The following PRKCZ variants were observed in gnomAD, a reference collection of about 807,000 sequenced individuals.
PRKCZ encodes the protein protein kinase C zeta type.
In PRKCZ, 33 loss-of-function variants were observed where a neutral mutation model predicts 79.5. The observed-to-expected ratio is 0.41, with a 90% CI of 0.31 to 0.55. The LOEUF is 0.55. Ranked by LOEUF, PRKCZ falls within the 20% of genes least tolerant of loss-of-function variation. The pLI is 0.19. For synonymous variants in PRKCZ, 342 were observed against 320.9 expected (o/e 1.07, Z -0.70); for missense variants, 578 against 813.5 (o/e 0.71, Z 3.52).
intron 4 of PRKCZ, among the ~76,000 whole-genome samples, chr1:2,121,527 G>GTGGTAGTTAGGGTTATGGTAGTTAAGGT (rs1297446882): frequency 7.8e-6 from 1 of 128,482 alleles, no homozygotes; most frequent in African/African-American, 2.6e-5. Flanking sequence ...TAAGGTCATG[G>GTGGTAGTTAGGGTTATGGTAGTTAAGGT]CAGTAGTTAG....
chr1:2,184,073 T>G (rs1283725966), intron 16 of PRKCZ: 1 of 153,790 alleles, frequency 6.5e-6, no homozygotes, highest in Non-Finnish European at 1.4e-5. Flanking sequence ...CAGGCCCGCC[T>G]GCTGGGCATT....
At chr1:2,166,810 C>T (rs1485896494) in intron 10 of PRKCZ, among the ~76,000 whole-genome samples, 7 of 152,232 alleles carry the variant, frequency 4.6e-5, no homozygotes, top group African/African-American at 9.6e-5. Context: ...TGAGGGGCTA[C>T]GGGTGAAGCC....
rs987535323 is a variant in PRKCZ, at chr1:2,073,774, T to C, written c.334+14183T>C. 1.3e-5 allele frequency: 13 copies of C among 1,015,026 alleles called. No individual in the cohort carries two copies. In the Admixed American group the frequency reaches 2.1e-4, roughly 16 times the overall value. 62.9% of individuals were successfully genotyped at this position (1,015,026 alleles called of 1,614,324 possible). A position where few individuals can be genotyped will look rare whatever the true frequency, so the allele number is the denominator to read the frequency against. ...AGGACAGCCGGCCTTCCGTTAAATA[T>C]CTGCTCCTCGCGCTCGAGCCTCCCT... On this transcript the variant is annotated intron_variant, in intron 4 of 17. Coordinates refer to ENST00000378567, the MANE Select transcript of PRKCZ (RefSeq NM_002744.6).
rs1317123556 is a variant in PRKCZ, at chr1:2,185,207, C to A, written c.*198C>A. ...TCACACCTGGGCCCGGGCAGGCCAG[C>A]TTCGTGCTGGAGGAACTTGCTGCTG... On this transcript the variant is annotated 3_prime_UTR_variant, in exon 18 of 18. Transcript: ENST00000378567. 4.2e-6 allele frequency: 3 copies of A among 707,108 alleles called. No homozygotes were observed. Among genetic ancestry groups the A allele is most frequent in the Admixed American group, 2.0e-5 (1 of 49,610 alleles). The allele number at this position is 707,108 out of a possible 1,614,324, so 43.8% of individuals were successfully genotyped here. A position where few individuals can be genotyped will look rare whatever the true frequency, so the allele number is the denominator to read the frequency against.
Position 2,177,079 on chromosome 1 carries a change from G to T in PRKCZ, c.1575+1766G>T, listed in dbSNP as rs1288926579. On this transcript the variant is annotated intron_variant, in intron 16 of 17. Coordinates refer to ENST00000378567, the MANE Select transcript of PRKCZ (RefSeq NM_002744.6). The surrounding 1 kb of genome is among the most constrained non-coding windows in gnomAD (Gnocchi z 6.4). ...TCAGTCATCCTCACGCCCAGGCCGG[G>T]GTTAGAGGTGGCGTCCCTTTTCTCT... Among the ~76,000 whole-genome samples the T allele has an allele frequency of 6.6e-6, 1 of 152,208 alleles. No individual in the cohort carries two copies. Among genetic ancestry groups the T allele is most frequent in the Non-Finnish European group, 1.5e-5 (1 of 68,026 alleles).
chr1:2,143,199 T>C (rs1677762082), intron 5 of PRKCZ: 1 of 152,074 alleles, frequency 6.6e-6, no homozygotes, highest in Admixed American at 6.6e-5. Flanking sequence ...TGGCTAATTT[T>C]TTGTATTTTG....
At chr1:2,184,847 G>A in intron 17 of PRKCZ, 75 bp from the exon 18 acceptor site, 1 of 1,442,294 alleles carries the variant, frequency 6.9e-7, no homozygotes. Flanking sequence ...GGATTCTTAT[G>A]CGAACGTGAC....
At chr1:2,081,361 G>A (rs1663476822) in intron 4 of PRKCZ, among the ~76,000 whole-genome samples, 1 of 152,198 alleles carries the variant, frequency 6.6e-6, no homozygotes, top group African/African-American at 2.4e-5. Context: ...GGTGGGTTGG[G>A]GGTGGGTGCT....
At chr1:2,137,032 A>G (rs563503426) in intron 5 of PRKCZ, among the ~76,000 whole-genome samples, 4 of 152,278 alleles carry the variant, frequency 2.6e-5, no homozygotes, top group South Asian at 4.2e-4. Flanking sequence ...TGGGGAAGAA[A>G]GAAGCCAGCA....
Position 2,050,459 on chromosome 1 carries a change from CCCCCGCTCCCG to C in PRKCZ, c.-165_-155del. On this transcript the variant is annotated 5_prime_UTR_variant, in exon 1 of 18. Transcript: ENST00000378567. ...CGCCGGACGGTCCCGCCCCGCGCGC[CCCCCGCTCCCG>C]CCCCGCGCGCCGCCGGAGTTCCGCG... The C allele has an allele frequency of 4.2e-6, 1 of 235,752 alleles. No homozygotes were observed. The highest frequency in any genetic ancestry group is 1.5e-4 in the South Asian group (1 of 6,544). The allele number at this position is 235,752 out of a possible 1,614,324, so 14.6% of individuals were successfully genotyped here.
chr1:2,176,992 T>A (rs1200965529), intron 16 of PRKCZ, among the ~76,000 whole-genome samples: 1 of 152,236 alleles, frequency 6.6e-6, no homozygotes, highest in Non-Finnish European at 1.5e-5. Flanking sequence ...TCGCAAATTC[T>A]TCATTTAAAT....
intron 4 of PRKCZ, 110 bp downstream of exon 4, chr1:2,059,701 G>C (rs867322121): frequency 2.1e-6 from 3 of 1,416,446 alleles, no homozygotes; most frequent in Middle Eastern, 1.8e-4. Flanking sequence ...CACCCTCGTG[G>C]AGCGTCAGGG....
Position 2,050,663 on chromosome 1 carries a change from G to A in PRKCZ, c.33G>A (p.Gly11=). Residue 11 remains glycine, a synonymous_variant, in exon 1 of 18, where the codon GGG becomes GGA. Transcript: ENST00000378567. ...GCAGGACCGGCCCCAAGATGGAAGG[G>A]AGCGGCGGCCGCGTCCGCCTCAAGG... The part of the protein sequence containing the change: MPSRTGPKME[G]SGGRVRLKAH... 1 of 1,227,590 alleles carries A rather than the reference G, an allele frequency of 8.1e-7. No homozygotes were observed. The highest frequency in any genetic ancestry group is 3.2e-5 in the East Asian group (1 of 31,528). The allele number at this position is 1,227,590 out of a possible 1,614,324, so 76.0% of individuals were successfully genotyped here.
chr1:2,102,371 T>C (rs573529446), intron 4 of PRKCZ, among the ~76,000 whole-genome samples: 144 of 152,062 alleles, frequency 9.5e-4, no homozygotes, highest in African/African-American at 3.3e-3. Flanking sequence ...CTCACTGTGC[T>C]GCCCAGGCTG....
chr1:2,130,438 G>A (rs1674739966), intron 4 of PRKCZ, among the ~76,000 whole-genome samples: 1 of 152,170 alleles, frequency 6.6e-6, no homozygotes, highest in African/African-American at 2.4e-5. Context: ...CTGGGAGGGC[G>A]AGGAAAATGG....
At chr1:2,112,675 T>G (rs370410997) in intron 4 of PRKCZ, among the ~76,000 whole-genome samples, 221 of 140,802 alleles carry the variant, frequency 1.6e-3, no homozygotes, top group African/African-American at 3.2e-3. Flanking sequence ...TTTTTGTTTG[T>G]TTGGTTGGTT....
chr1:2,127,044 G>A lies in PRKCZ; in HGVS notation c.335-8218G>A, dbSNP rs533588317. 1.3e-5 allele frequency among the ~76,000 whole-genome samples: 2 copies of A among 152,318 alleles called. No individual in the cohort carries two copies. Among genetic ancestry groups the A allele is most frequent in the South Asian group, 2.1e-4 (1 of 4,828 alleles). ...TCCCTGTTCGCCCGACTGGCGCCTCGGCTGTGCCTCTTCTGTCTCTCGAGC... is the reference window on the plus strand; with the variant it reads ...TCCCTGTTCGCCCGACTGGCGCCTCAGCTGTGCCTCTTCTGTCTCTCGAGC... On this transcript the variant is annotated intron_variant, in intron 4 of 17. Coordinates refer to ENST00000378567, the MANE Select transcript of PRKCZ (RefSeq NM_002744.6). This position sits in a 1 kb window ranked among gnomAD's most constrained non-coding sequence, Gnocchi z 5.1.
intron 16 of PRKCZ, chr1:2,181,807 C>G: frequency 2.2e-6 from 1 of 455,474 alleles, no homozygotes; most frequent in Non-Finnish European, 4.4e-6. Context: ...TTAGGAAATG[C>G]CCCTTTTTCA....
chr1:2,111,104 A>G (rs11584491), intron 4 of PRKCZ, among the ~76,000 whole-genome samples: 81,459 of 151,694 alleles, frequency 0.54, 22,726 homozygotes, highest in Middle Eastern at 0.65. Flanking sequence ...TGCTGCACCC[A>G]TGGGTATTGC....
Sources: allele counts gnomAD v4.1 joint callset (sites outside exome capture counted in the v4.1 genomes callset), GRCh38; gene constraint gnomAD v4.1.1; non-coding constraint Gnocchi (gnomAD v3.1); transcripts MANE v1.5; gene names NCBI Gene and HGNC (gene_info 2026-07-23, HGNC 2026-07-21).